MRTFA: variants seen among roughly 807,000 people sequenced by gnomAD.
MRTFA encodes the protein myocardin related transcription factor A.
In MRTFA, 20 loss-of-function variants were observed where a neutral mutation model predicts 83.5. That is an observed-to-expected ratio of 0.24 (90% CI 0.17 to 0.35). The LOEUF (loss-of-function observed/expected upper bound fraction) is 0.35, where lower values mean the gene tolerates loss of function less well. Among genes scored for constraint, MRTFA ranks in the 10% least tolerant of loss-of-function variants. MRTFA has a pLI of 1.00. For missense variants in MRTFA, 1,200 were observed against 1,224.7 expected (o/e 0.98, Z 0.30); for synonymous variants, 659 against 541.2 (o/e 1.22, Z -3.02).
intron 1 of MRTFA, among the ~76,000 whole-genome samples, chr22:40,613,770 C>T (rs1287875138): frequency 2.6e-5 from 4 of 152,050 alleles, no homozygotes; most frequent in East Asian, 1.9e-4. Flanking sequence ...AATAGCCAGG[C>T]GTAGTGGCGC....
In MRTFA at chr22:40,411,510, C is replaced by A. The variant is rs1449552699; in HGVS notation, c.2976G>T (p.Glu992Asp). The A allele has an allele frequency of 6.2e-7, 1 of 1,612,428 alleles. No homozygotes were observed. Among genetic ancestry groups the A allele is most frequent in the Admixed American group, 1.7e-5 (1 of 59,934 alleles). Residue 992 changes from glutamate to aspartate, a missense_variant, in exon 15 of 15, where the codon GAG becomes GAT. Glu to Asp is a conservative substitution (Grantham distance 45). Transcript: ENST00000355630. ...TCAGCACGGGACCACCTGACGACAGCTCCAGCCAGTCCATGCTGTCCAGGT... is the reference window on the plus strand; with the variant it reads ...TCAGCACGGGACCACCTGACGACAGATCCAGCCAGTCCATGCTGTCCAGGT...
intron 3 of MRTFA, among the ~76,000 whole-genome samples, chr22:40,463,876 A>AGGG (rs2053762714): frequency 6.6e-6 from 1 of 152,136 alleles, no homozygotes; most frequent in Admixed American, 6.5e-5. Context: ...TTTTCTGTTG[A>AGGG]GGTGAAACAA....
intron 2 of MRTFA, among the ~76,000 whole-genome samples, chr22:40,593,701 T>C (rs556273318): frequency 1.6e-4 from 25 of 152,320 alleles, no homozygotes; most frequent in African/African-American, 6.0e-4. Context: ...CCTGTAGCAA[T>C]GTACTAATCT....
chr22:40,526,548 A>C (rs1478523619), intron 3 of MRTFA: 1 of 152,258 alleles, frequency 6.6e-6, no homozygotes, highest in Non-Finnish European at 1.5e-5. Flanking sequence ...AAAGCAGTTC[A>C]TGTGGGACTT....
chr22:40,454,305 T>C (rs2147134555), intron 4 of MRTFA, among the ~76,000 whole-genome samples: 1 of 152,294 alleles, frequency 6.6e-6, no homozygotes. Flanking sequence ...TTGTAGAGAT[T>C]AGATTTCGCC....
Position 40,418,860 on chromosome 22 carries a change from C to T in MRTFA, c.1878G>A (p.Met626Ile). ...CGATCTGCTTGTCTTTCTCCTGCAG[C>T]ATCTGGTCCTTGTCGCGCCCCTCTA... Residue 626 changes from methionine (M) to isoleucine (I), a missense_variant, in exon 12 of 15, where the codon ATG becomes ATA. Met to Ile is a conservative substitution (Grantham distance 10, BLOSUM62 1). This residue lies in a region of MRTFA where 1,107 missense variants were observed against 1,041.8 expected (regional missense o/e 1.06). Coordinates refer to ENST00000355630, the MANE Select transcript of MRTFA (RefSeq NM_020831.6). 2 of 1,612,434 alleles carry T rather than the reference C, an allele frequency of 1.2e-6. No individual in the cohort carries two copies. The highest frequency in any genetic ancestry group is 1.7e-6 in the Non-Finnish European group (2 of 1,179,818).
intron 2 of MRTFA, chr22:40,586,568 A>G: frequency 6.1e-6 from 1 of 164,644 alleles, no homozygotes; most frequent in Admixed American, 6.4e-5. Flanking sequence ...CAGAGATTAC[A>G]TACTAAAGCT....
chr22:40,561,479 A>C (rs1191195758), intron 2 of MRTFA, among the ~76,000 whole-genome samples: 1 of 149,832 alleles, frequency 6.7e-6, no homozygotes, highest in East Asian at 2.0e-4. Context: ...TGATGGAGTG[A>C]AACTATGTCT....
chr22:40,458,647 G>A (rs1156965503), intron 4 of MRTFA, among the ~76,000 whole-genome samples: 3 of 152,140 alleles, frequency 2.0e-5, no homozygotes, highest in Admixed American at 1.3e-4. Flanking sequence ...CAAAGGAGAA[G>A]AATTTGATAA....
At chr22:40,447,368 GA>G (rs1041798210) in intron 4 of MRTFA, among the ~76,000 whole-genome samples, 6 of 149,832 alleles carry the variant, frequency 4.0e-5, no homozygotes, top group Admixed American at 6.7e-5. Flanking sequence ...AAAGAAAAAA[GA>G]AAAAAAAAGT....
At chr22:40,413,956 G>A (rs1400186391) in intron 14 of MRTFA, among the ~76,000 whole-genome samples, 2 of 152,178 alleles carry the variant, frequency 1.3e-5, no homozygotes, top group African/African-American at 4.8e-5. Context: ...TGAAGAAACT[G>A]GAACCCTTGT....
intron 4 of MRTFA, among the ~76,000 whole-genome samples, chr22:40,459,523 C>G (rs897053537): frequency 6.6e-6 from 1 of 151,922 alleles, no homozygotes; most frequent in Non-Finnish European, 1.5e-5. Flanking sequence ...ATTATTCTCA[C>G]TTCACAGACA....
chr22:40,528,454 G>A (rs1413103744), intron 3 of MRTFA, among the ~76,000 whole-genome samples: 1 of 151,980 alleles, frequency 6.6e-6, no homozygotes, highest in African/African-American at 2.4e-5. Flanking sequence ...ATAAAACTAA[G>A]TGGCCAGGCG....
intron 1 of MRTFA, among the ~76,000 whole-genome samples, chr22:40,612,312 G>T (rs1316813063): frequency 6.6e-6 from 1 of 152,186 alleles, no homozygotes; most frequent in Non-Finnish European, 1.5e-5. Context: ...GCAAGAGAAT[G>T]AAGGATGAAC....
At chr22:40,574,136 C>A (rs1001937178) in intron 2 of MRTFA, among the ~76,000 whole-genome samples, 1 of 152,164 alleles carries the variant, frequency 6.6e-6, no homozygotes, top group Admixed American at 6.6e-5. Context: ...GACCATGATA[C>A]AGTCTGGTGC....
intron 2 of MRTFA, among the ~76,000 whole-genome samples, chr22:40,574,301 G>A (rs551406010): frequency 6.6e-6 from 1 of 151,946 alleles, no homozygotes; most frequent in African/African-American, 2.4e-5. Context: ...AACCAACCAC[G>A]GATTGAAAAT....
At chr22:40,508,857 A>G (rs1335343273) in intron 3 of MRTFA, among the ~76,000 whole-genome samples, 1 of 152,082 alleles carries the variant, frequency 6.6e-6, no homozygotes, top group Non-Finnish European at 1.5e-5. Context: ...CAAAAAAAAA[A>G]AAAAAAGAAC....
At chr22:40,435,461 C>T in intron 5 of MRTFA, 38 bp downstream of exon 5, 4 of 1,605,578 alleles carry the variant, frequency 2.5e-6, no homozygotes, top group Non-Finnish European at 3.4e-6. Context: ...TCTGAAAATG[C>T]TCTTTGGGAG....
intron 3 of MRTFA, among the ~76,000 whole-genome samples, chr22:40,528,326 A>G (rs781482611): frequency 6.6e-6 from 1 of 152,096 alleles, no homozygotes; most frequent in Non-Finnish European, 1.5e-5. Context: ...ATTATAAACA[A>G]TCTCATTTAT....
Sources: gnomAD v4.1 joint callset for allele counts (sites outside exome capture counted in the v4.1 genomes callset) on GRCh38, gnomAD v4.1.1 for gene constraint, gnomAD v4.1.1 regional missense constraint, MANE v1.5 for transcripts, NCBI Gene and HGNC (gene_info 2026-07-23, HGNC 2026-07-21) for gene names.